SPON1: variants seen among roughly 807,000 people sequenced by gnomAD.
The protein encoded by SPON1 is spondin 1, also known as spondin-1.
Under a neutral mutation model 111.7 loss-of-function variants are expected in SPON1, and 52 were observed. The observed-to-expected ratio is 0.47, with a 90% CI of 0.37 to 0.59. The LOEUF is 0.59. Ranked by LOEUF, SPON1 falls within the 20% of genes least tolerant of loss-of-function variation. The pLI, the probability that SPON1 is intolerant of heterozygous loss-of-function variation, is 0.00. For synonymous variants in SPON1, 410 were observed against 395.8 expected, an observed-to-expected ratio of 1.04 and a Z score of -0.43; for missense variants, 957 against 1,068.5, an observed-to-expected ratio of 0.90 and a Z score of 1.46.
At chr11:14,062,432 G>C (rs1848798272) in intron 3 of SPON1, among the ~76,000 whole-genome samples, 1 of 152,172 alleles carries the variant, frequency 6.6e-6, no homozygotes. Context: ...GGAAGGCCAG[G>C]ATTTACTACC....
intron 1 of SPON1, among the ~76,000 whole-genome samples, chr11:13,970,774 G>C (rs1288188863): frequency 2.6e-5 from 4 of 152,198 alleles, no homozygotes; most frequent in Non-Finnish European, 5.9e-5. Context: ...TCTCTTTAAA[G>C]AGGCTGCTCT....
intron 2 of SPON1, among the ~76,000 whole-genome samples, chr11:14,001,898 T>C (rs946184057): frequency 2.0e-5 from 3 of 152,192 alleles, no homozygotes; most frequent in African/African-American, 7.2e-5. Flanking sequence ...AGGGCTATTA[T>C]GGTAAGTAGT....
intron 6 of SPON1, among the ~76,000 whole-genome samples, chr11:14,188,325 A>G (rs1251377327): frequency 6.6e-6 from 1 of 152,186 alleles, no homozygotes; most frequent in Non-Finnish European, 1.5e-5. Flanking sequence ...TATTTTCAGA[A>G]GATAAGTCCT....
chr11:14,161,237 T>TTATATATATCTATATATTTATTTA (rs200834992), intron 6 of SPON1, among the ~76,000 whole-genome samples: 1 of 52,688 alleles, frequency 1.9e-5, no homozygotes, highest in Non-Finnish European at 3.6e-5. Context: ...ATTTATATAT[T>TTATATATATCTATATATTTATTTA]TATATATCTA....
At chr11:14,214,882 A>G (rs1848611439) in intron 6 of SPON1, among the ~76,000 whole-genome samples, 1 of 152,212 alleles carries the variant, frequency 6.6e-6, no homozygotes, top group South Asian at 2.1e-4. Flanking sequence ...CTTAGAGGCC[A>G]TGAGTAACAC....
In SPON1 at chr11:14,267,503, T is replaced by C. The variant is rs1564946498; in HGVS notation, c.*1816T>C. 6.6e-6 allele frequency: 1 copy of C among 152,218 alleles called. No homozygotes were observed. Among genetic ancestry groups the C allele is most frequent in the African/African-American group, 2.4e-5 (1 of 41,460 alleles). The allele number at this position is 152,218 out of a possible 1,614,324, so 9.4% of individuals were successfully genotyped here. A position where few individuals can be genotyped will look rare whatever the true frequency, so the allele number is the denominator to read the frequency against. ...TTGCAATGTTGTTCTAAGCTATCTA[T>C]CTAACTCTCAGCCCATGATAAAGTT... On this transcript the variant is annotated 3_prime_UTR_variant, in exon 16 of 16. Coordinates refer to ENST00000576479, the MANE Select transcript of SPON1 (RefSeq NM_006108.4).
intron 6 of SPON1, among the ~76,000 whole-genome samples, chr11:14,206,537 T>C (rs1382795301): frequency 6.6e-6 from 1 of 152,216 alleles, no homozygotes; most frequent in African/African-American, 2.4e-5. Context: ...AACTTTTTAT[T>C]TTTTTGCTCT....
chr11:13,989,485 C>CA lies in SPON1; in HGVS notation c.345+6539dup, dbSNP rs200834885. Among the ~76,000 whole-genome samples, 759 of 151,978 alleles carry CA rather than the reference C, an allele frequency of 5.0e-3. 2 individuals are homozygous for CA. The highest frequency in any genetic ancestry group is 0.017 in the African/African-American group (714 of 41,470). On this transcript the variant is annotated intron_variant, in intron 2 of 15. Coordinates refer to ENST00000576479, the MANE Select transcript of SPON1 (RefSeq NM_006108.4). ...AGTCTATCTATTTTGTTGATCTTTTCAAAAAAACAGCTCCTGGATTCATTG... is the reference window on the plus strand; with the variant it reads ...AGTCTATCTATTTTGTTGATCTTTTCAAAAAAAACAGCTCCTGGATTCATTG...
At chr11:14,203,000 G>T (rs1282815514) in intron 6 of SPON1, among the ~76,000 whole-genome samples, 1 of 152,066 alleles carries the variant, frequency 6.6e-6, no homozygotes, top group Non-Finnish European at 1.5e-5. Context: ...AAAGATAAAT[G>T]CCAGACTTCA....
At chr11:14,169,210 G>A (rs1261243256) in intron 6 of SPON1, among the ~76,000 whole-genome samples, 2 of 152,138 alleles carry the variant, frequency 1.3e-5, no homozygotes, top group Non-Finnish European at 2.9e-5. Context: ...GGTGTGAGAT[G>A]GTATCTCATT....
intron 6 of SPON1, among the ~76,000 whole-genome samples, chr11:14,217,168 G>T (rs190325490): frequency 2.0e-4 from 30 of 152,286 alleles, no homozygotes; most frequent in Admixed American, 2.0e-3. Flanking sequence ...TGGTTGTCTT[G>T]CTTGTATCAG....
rs147469350 is a variant in SPON1 at position 14,268,055 on chromosome 11, T to C, written c.*2368T>C. 4.5e-4 allele frequency among the ~76,000 whole-genome samples: 68 copies of C among 152,316 alleles called. No homozygotes were observed. Among genetic ancestry groups the C allele is most frequent in the African/African-American group, 1.6e-3 (67 of 41,570 alleles). On this transcript the variant is annotated 3_prime_UTR_variant, in exon 16 of 16. Transcript: ENST00000576479. ...GTGCATTTTATTAGAAGGGAATCTG[T>C]TGTAGCAAATGGGAATAAACCTGGG...
At chr11:14,064,378 G>A (rs1047225615) in intron 3 of SPON1, among the ~76,000 whole-genome samples, 17 of 152,358 alleles carry the variant, frequency 1.1e-4, no homozygotes, top group African/African-American at 4.1e-4. Flanking sequence ...CCTGGTTAAT[G>A]CGGCTCTGAG....
At chr11:14,058,673 C>T (rs1848766355) in intron 3 of SPON1, among the ~76,000 whole-genome samples, 1 of 152,198 alleles carries the variant, frequency 6.6e-6, no homozygotes, top group African/African-American at 2.4e-5. Flanking sequence ...CTTTCCTTCT[C>T]TTCTTTATCG....
intron 2 of SPON1, among the ~76,000 whole-genome samples, chr11:14,031,033 T>C (rs543107883): frequency 4.6e-5 from 7 of 152,278 alleles, no homozygotes; most frequent in African/African-American, 1.7e-4. Flanking sequence ...CTATAAATAA[T>C]AAAATCTATC....
In SPON1 at chr11:14,262,794, G is replaced by A. The variant is rs1849202595; in HGVS notation, c.2079G>A (p.Arg693=). 3 of 1,613,858 alleles carry A rather than the reference G, an allele frequency of 1.9e-6. No individual in the cohort carries two copies. Among genetic ancestry groups the A allele is most frequent in the Non-Finnish European group, 2.5e-6 (3 of 1,179,902 alleles). ...GGAAAGGCCACGTGATTCGAACCCG[G>A]ATGATCCAAATGGAGCCTCAGTTTG... is the stretch of plus-strand genomic sequence containing the variant. ...SCGKGHVIRT[R]MIQMEPQFGG... Residue 693 remains arginine (R), a synonymous_variant, in exon 15 of 16, where the codon CGG becomes CGA. Transcript: ENST00000576479.
At position 14,208,475 on chromosome 11, in the gene SPON1, A is replaced by G. The variant is rs186624288; in HGVS notation, c.826-34857A>G. On this transcript the variant is annotated intron_variant, in intron 6 of 15. Coordinates refer to ENST00000576479, the MANE Select transcript of SPON1 (RefSeq NM_006108.4). ...TTTCACTTCTCATATTTTTATGATTAAAATATGTTAAATGTTACCCAGATG... is the reference window on the plus strand; with the variant it reads ...TTTCACTTCTCATATTTTTATGATTGAAATATGTTAAATGTTACCCAGATG... Among the ~76,000 whole-genome samples, 594 of 152,298 alleles carry G rather than the reference A, an allele frequency of 3.9e-3. 14 individuals are homozygous for G. Among genetic ancestry groups the G allele is most frequent in the Non-Finnish European group, 1.5e-3 (101 of 68,036 alleles).
chr11:14,023,818 A>G (rs1359717787), intron 2 of SPON1, among the ~76,000 whole-genome samples: 1 of 152,176 alleles, frequency 6.6e-6, no homozygotes, highest in African/African-American at 2.4e-5. Flanking sequence ...CCTGACCAAC[A>G]TGGTGAAACC....
At chr11:14,235,641 T>C (rs1426999778) in intron 6 of SPON1, among the ~76,000 whole-genome samples, 1 of 130,792 alleles carries the variant, frequency 7.6e-6, no homozygotes, top group African/African-American at 3.0e-5. Context: ...ATTATGCCCC[T>C]GTACTCCAGC....
Sources: allele counts gnomAD v4.1 joint callset (sites outside exome capture counted in the v4.1 genomes callset), GRCh38; gene constraint gnomAD v4.1.1; transcripts MANE v1.5; gene names NCBI Gene and HGNC (gene_info 2026-07-23, HGNC 2026-07-21).